SAGE1: variants seen among roughly 807,000 people sequenced by gnomAD.
The protein encoded by SAGE1 is sarcoma antigen 1, also known as cancer/testis antigen 14.
SAGE1 carries 55 observed loss-of-function variants against 55.4 expected under a neutral mutation model. The observed-to-expected ratio is 0.99, with a 90% CI of 0.80 to 1.24. The LOEUF (loss-of-function observed/expected upper bound fraction) is 1.24. Ranked by LOEUF, SAGE1 falls within the 50% of genes most tolerant of loss-of-function variation. SAGE1 has a pLI of 0.00. For synonymous variants in SAGE1, 240 were observed against 244.3 expected, an observed-to-expected ratio of 0.98 and a Z score of 0.17; for missense variants, 710 against 704.4, an observed-to-expected ratio of 1.01 and a Z score of -0.09.
In SAGE1 at chrX:135,909,661, C is replaced by G; in HGVS notation, c.1605C>G (p.Val535=). 3.3e-6 allele frequency: 4 copies of G among 1,205,101 alleles called. No individual in the cohort carries two copies. The highest frequency in any genetic ancestry group is 4.5e-6 in the Non-Finnish European group (4 of 892,038). The change falls in exon 14 of 20, where the codon GTC becomes GTG. Residue 535 remains valine, a synonymous_variant. Transcript: ENST00000370709. Reference sequence around the variant, plus strand: ...CAGATGCTACCGTCACTCAAAATGTCCATGAAGAGAGGATGGAAAATAACC... The same window carrying G: ...CAGATGCTACCGTCACTCAAAATGTGCATGAAGAGAGGATGGAAAATAACC... ...KDLYATVTQN[V]HEERMENNQP... is the part of the protein sequence containing the mutation.
chrX:135,907,288 C>T (rs1556602264), intron 8 of SAGE1, 25 bp from the exon 9 acceptor site: 1 of 1,198,431 alleles, frequency 8.3e-7, no homozygotes, highest in Admixed American at 2.2e-5. Flanking sequence ...TTACTCACAG[C>T]TCAACCTCTT....
At chrX:135,906,215 A>G (rs782504678) in intron 6 of SAGE1, 51 bp downstream of exon 6, 2 of 1,146,702 alleles carry the variant, frequency 1.7e-6, no homozygotes, top group East Asian at 3.0e-5. Flanking sequence ...ATATGCATAC[A>G]TAGTGCCATG....
intron 2 of SAGE1, among the ~76,000 whole-genome samples, chrX:135,901,295 A>C (rs1238445739): frequency 3.6e-5 from 4 of 111,111 alleles, no homozygotes; most frequent in African/African-American, 1.3e-4. Flanking sequence ...CTCATTCCCC[A>C]AGCATTCTGA....
Position 135,909,722 on chromosome X carries a change from C to G in SAGE1, c.1666C>G (p.Pro556Ala), listed in dbSNP as rs145227695. The G allele has an allele frequency of 1.3e-5, 16 of 1,201,677 alleles. No homozygotes were observed. The highest frequency in any genetic ancestry group is 1.8e-5 in the Non-Finnish European group (16 of 889,617). Reference protein sequence around the residue: ...QPSYDLSTVLPGLTYLTVAGI... With the variant: ...QPSYDLSTVLAGLTYLTVAGI... ...TAGTTATGACTTGTCAACTGTTCTA[C>G]CAGGACTTACTTATTTGACAGTAGC... The change falls in exon 14 of 20, where the codon CCA (proline) becomes GCA (alanine). Residue 556 changes from proline (P) to alanine (A), a missense_variant. Transcript: ENST00000370709.
chrX:135,911,318 G>A lies in SAGE1; in HGVS notation c.2132G>A (p.Ser711Asn). The stretch of plus-strand genomic sequence containing the variant: ...TCAGGAGCTGGTATTTCATGCAGAA[G>A]TACCAGGGATCTGTGTATGTTTGTG... ...NLSGAGISCR[S>N]TRDLYATVIH... The change falls in exon 17 of 20, where the codon AGT becomes AAT. Residue 711 changes from serine to asparagine, a missense_variant. Transcript: ENST00000370709. 8.3e-7 allele frequency: 1 copy of A among 1,207,986 alleles called. No homozygotes were observed. The highest frequency in any genetic ancestry group is 1.1e-6 in the Non-Finnish European group (1 of 892,888).
At chrX:135,912,242 T>C (rs1024746768) in intron 18 of SAGE1, 79 bp from the exon 19 acceptor site, 32 of 1,140,655 alleles carry the variant, frequency 2.8e-5, no homozygotes, top group Non-Finnish European at 3.5e-5. Flanking sequence ...AAATGTATAC[T>C]GTGGTAGTGG....
At chrX:135,905,838 C>A (rs1256110314) in intron 5 of SAGE1, among the ~76,000 whole-genome samples, 186 bp from the exon 6 acceptor site, 1 of 111,628 alleles carries the variant, frequency 9.0e-6, no homozygotes, top group Non-Finnish European at 1.9e-5. Flanking sequence ...CAGTGTCATG[C>A]AGGGAAGAAG....
At chrX:135,897,606 T>C (rs1445434874) in intron 2 of SAGE1, among the ~76,000 whole-genome samples, 1 of 112,272 alleles carries the variant, frequency 8.9e-6, no homozygotes, top group Non-Finnish European at 1.9e-5. Context: ...AAATTATATA[T>C]TTGAATATAA....
chrX:135,902,171 C>T (rs1162033255), intron 3 of SAGE1, among the ~76,000 whole-genome samples: 1 of 110,933 alleles, frequency 9.0e-6, no homozygotes, highest in African/African-American at 3.3e-5. Flanking sequence ...CTAAATATTT[C>T]GGAACCCCAA....
intron 2 of SAGE1, among the ~76,000 whole-genome samples, chrX:135,897,303 T>C (rs2088602355): frequency 8.9e-6 from 1 of 112,391 alleles, no homozygotes; most frequent in Non-Finnish European, 1.9e-5. Flanking sequence ...AGGACACAAT[T>C]AGGCAATAAT....
intron 19 of SAGE1, 165 bp downstream of exon 19, chrX:135,912,579 C>T: frequency 6.6e-6 from 5 of 753,809 alleles, no homozygotes; most frequent in Non-Finnish European, 4.7e-6. Flanking sequence ...CTAACACTTT[C>T]TTCCAATACC....
chrX:135,898,030 T>C (rs1481846805), intron 2 of SAGE1, among the ~76,000 whole-genome samples: 8 of 112,234 alleles, frequency 7.1e-5, no homozygotes, highest in African/African-American at 2.6e-4. Flanking sequence ...TTTTTTTCTT[T>C]TTTTTGAGAC....
chrX:135,912,250 T>C (rs2088911438), intron 18 of SAGE1, 71 bp from the exon 19 acceptor site: 3 of 1,151,144 alleles, frequency 2.6e-6, no homozygotes, highest in Admixed American at 5.6e-5. Flanking sequence ...ACTGTGGTAG[T>C]GGATGCACTA....
intron 2 of SAGE1, among the ~76,000 whole-genome samples, chrX:135,896,575 T>G (rs1450387232): frequency 1.0e-5 from 1 of 98,701 alleles, no homozygotes. Context: ...TTTTTTTTTT[T>G]GAGATGGAGT....
intron 7 of SAGE1, 56 bp from the exon 8 acceptor site, chrX:135,906,870 G>T (rs1248927268): frequency 9.6e-6 from 11 of 1,142,860 alleles, no homozygotes; most frequent in Non-Finnish European, 1.3e-5. Context: ...GGATATACCT[G>T]TGGGGTTACC....
intron 3 of SAGE1, among the ~76,000 whole-genome samples, chrX:135,902,034 C>T (rs1309984614): frequency 3.6e-5 from 4 of 112,019 alleles, no homozygotes; most frequent in Non-Finnish European, 7.5e-5. Context: ...CAGCAGCATG[C>T]GACACAGTTG....
chrX:135,901,692 G>A lies in SAGE1; in HGVS notation c.220+1G>A. On this transcript the variant is annotated splice_donor_variant, in intron 3 of 19. Transcript: ENST00000370709. LOFTEE classifies it high-confidence loss of function. ...TCCTCGTGGTTAGACAAACAGGAAGGTGAGGGGGAATCCAATCTTTGGGCC... is the reference window on the plus strand; with the variant it reads ...TCCTCGTGGTTAGACAAACAGGAAGATGAGGGGGAATCCAATCTTTGGGCC... The A allele has an allele frequency of 3.3e-6, 4 of 1,201,420 alleles. No individual in the cohort carries two copies. The highest frequency in any genetic ancestry group is 4.5e-6 in the Non-Finnish European group (4 of 890,003).
intron 6 of SAGE1, 72 bp downstream of exon 6, chrX:135,906,236 G>A: frequency 8.9e-7 from 1 of 1,118,228 alleles, no homozygotes; most frequent in Non-Finnish European, 1.2e-6. Flanking sequence ...AAGGGAGTTA[G>A]GTGGTTTTGT....
intron 4 of SAGE1, 22 bp downstream of exon 4, chrX:135,904,591 T>TTTCATCCAAGAGTATGAAA: frequency 9.8e-7 from 1 of 1,025,093 alleles, no homozygotes; most frequent in East Asian, 3.1e-5. Context: ...GCAGCAGGAA[T>TTTCATCCAAGAGTATGAAA]TTCATCCATG....
Sources: gnomAD v4.1 joint callset for allele counts (sites outside exome capture counted in the v4.1 genomes callset) on GRCh38, gnomAD v4.1.1 for gene constraint, MANE v1.5 for transcripts, NCBI Gene and HGNC (gene_info 2026-07-23, HGNC 2026-07-21) for gene names.